The following FBXO34 variants were observed in gnomAD, a reference collection of about 807,000 sequenced individuals.
The protein encoded by FBXO34 is F-box protein 34.
Under a neutral mutation model 24.5 loss-of-function variants are expected in FBXO34, and 12 were observed. The ratio of observed to expected loss-of-function variants is 0.49; its 90% CI spans 0.31 to 0.79. The LOEUF is 0.79. Ranked by LOEUF, FBXO34 falls within the 30% of genes least tolerant of loss-of-function variation. The probability of loss-of-function intolerance (pLI) is 0.04; values close to 1 mark genes in which losing one functional copy is unlikely to be tolerated. For synonymous variants in FBXO34, 320 were observed against 311.9 expected (o/e 1.03, Z -0.27); for missense variants, 823 against 857.7 (o/e 0.96, Z 0.51).
downstream of FBXO34, among the ~76,000 whole-genome samples, chr14:55,364,591 A>T (rs1884638648): frequency 6.7e-6 from 1 of 149,814 alleles, no homozygotes; most frequent in Admixed American, 6.7e-5. Context: ...CACCTGGCTA[A>T]TTTTTTTTTG....
chr14:55,279,779 C>A (rs1218071184), intron 1 of FBXO34, among the ~76,000 whole-genome samples: 1 of 152,186 alleles, frequency 6.6e-6, no homozygotes, highest in African/African-American at 2.4e-5. Flanking sequence ...TCATTCCCTC[C>A]TAACCAGCAT....
downstream of FBXO34, among the ~76,000 whole-genome samples, chr14:55,357,448 C>G (rs536830455): frequency 2.5e-4 from 38 of 152,334 alleles, no homozygotes; most frequent in Admixed American, 8.5e-4. Flanking sequence ...AGAACAAACT[C>G]CTTTTGGGAC....
At chr14:55,286,666 A>T (rs151250277) in intron 1 of FBXO34, among the ~76,000 whole-genome samples, 27 of 152,302 alleles carry the variant, frequency 1.8e-4, no homozygotes, top group African/African-American at 5.8e-4. Context: ...CGAAATTTCC[A>T]CACTAGTTAC....
intron 1 of FBXO34, among the ~76,000 whole-genome samples, chr14:55,300,089 T>A (rs931023965): frequency 6.6e-6 from 1 of 152,158 alleles, no homozygotes; most frequent in African/African-American, 2.4e-5. Flanking sequence ...ACCCCTTCAT[T>A]CTTTAATATC....
the FBXO34 span, chr14:55,390,864 C>T: frequency 7.5e-7 from 1 of 1,335,564 alleles, no homozygotes; most frequent in South Asian, 1.3e-5. Flanking sequence ...CATGAAATTC[C>T]ACATAGGCAC....
intron 1 of FBXO34, among the ~76,000 whole-genome samples, chr14:55,303,102 A>C (rs1045799624): frequency 3.3e-5 from 5 of 151,182 alleles, no homozygotes; most frequent in African/African-American, 9.7e-5. Flanking sequence ...GTGCGTTTTA[A>C]TGTGCATTAA....
chr14:55,350,735 T>C lies in FBXO34; in HGVS notation c.345T>C (p.Asn115=). 6.2e-7 allele frequency: 1 copy of C among 1,609,948 alleles called. No homozygotes were observed. Among genetic ancestry groups the C allele is most frequent in the Non-Finnish European group, 8.5e-7 (1 of 1,178,962 alleles). The change falls in exon 2 of 2, where the codon AAT becomes AAC. Residue 115 remains asparagine, a synonymous_variant. Transcript: ENST00000313833. The part of the protein sequence containing the change: ...LDIWAVVKPG[N]TKEKIAFFAS... The stretch of plus-strand genomic sequence containing the variant: ...TCTGGGCTGTTGTGAAACCTGGAAA[T>C]ACCAAGGAAAAAATTGCATTCTTTG...
At chr14:55,389,988 G>T in the FBXO34 span, among the ~76,000 whole-genome samples, 1 of 152,050 alleles carries the variant, frequency 6.6e-6, no homozygotes, top group Non-Finnish European at 1.5e-5. Context: ...TGTGCTTCTG[G>T]CATGGGCCAA....
the FBXO34 span, chr14:55,413,855 G>T: frequency 2.4e-6 from 1 of 420,938 alleles, no homozygotes; most frequent in East Asian, 5.8e-5. Context: ...ACAGCATGCT[G>T]GGTAACACTG....
At chr14:55,437,251 C>T in the FBXO34 span, among the ~76,000 whole-genome samples, 1 of 152,196 alleles carries the variant, frequency 6.6e-6, no homozygotes, top group Non-Finnish European at 1.5e-5. Flanking sequence ...CTGAGGCAGG[C>T]GGATGGCTGG....
At chr14:55,271,697 G>T (rs867770505) in intron 1 of FBXO34, among the ~76,000 whole-genome samples, 160 bp downstream of exon 1, 1 of 150,430 alleles carries the variant, frequency 6.6e-6, no homozygotes, top group Non-Finnish European at 1.5e-5. Context: ...CGGGTCCGGG[G>T]TAGGGACCCG....
At chr14:55,414,356 A>G in the FBXO34 span, 87 of 1,555,236 alleles carry the variant, frequency 5.6e-5, no homozygotes, top group African/African-American at 9.8e-4. Flanking sequence ...AACCAGAATA[A>G]TGTGAGATGC....
Position 55,350,551 on chromosome 14 carries a change from G to A in FBXO34, c.161G>A (p.Gly54Asp). ...AGTGTCTTTCCTTCAGCCTCTCTCG[G>A]TAAAGCATCATCTCGAAAGCCATTT... ...TSSVFPSASL[G>D]KASSRKPFGI... Residue 54 changes from glycine (G) to aspartate (D), a missense_variant, in exon 2 of 2, where the codon GGT becomes GAT. Transcript: ENST00000313833. The A allele has an allele frequency of 1.2e-6, 2 of 1,613,284 alleles. No individual in the cohort carries two copies. The highest frequency in any genetic ancestry group is 8.5e-7 in the Non-Finnish European group (1 of 1,179,806).
At chr14:55,408,926 A>G in the FBXO34 span, among the ~76,000 whole-genome samples, 2 of 152,194 alleles carry the variant, frequency 1.3e-5, no homozygotes, top group Non-Finnish European at 2.9e-5. Context: ...CGTATGCCAT[A>G]GTAAGGAGCT....
chr14:55,322,309 C>CA (rs3084455), intron 1 of FBXO34, among the ~76,000 whole-genome samples: 1,642 of 121,996 alleles, frequency 0.013, 8 homozygotes, highest in Middle Eastern at 0.021. Flanking sequence ...GACTCTGTCT[C>CA]AAAAAAAAAA....
chr14:55,357,249 C>T (rs956230542), downstream of FBXO34, among the ~76,000 whole-genome samples: 5 of 152,194 alleles, frequency 3.3e-5, no homozygotes, highest in African/African-American at 9.7e-5. Context: ...TTGACCTTAA[C>T]AGTTTTAGGG....
the FBXO34 span, among the ~76,000 whole-genome samples, chr14:55,439,218 C>T: frequency 0.52 from 77,591 of 148,906 alleles, 20,344 homozygotes; most frequent in East Asian, 0.65. Flanking sequence ...GGATTACAGG[C>T]GTGAGCCACC....
At chr14:55,370,340 G>A (rs1884785860), downstream of FBXO34, among the ~76,000 whole-genome samples, 1 of 152,158 alleles carries the variant, frequency 6.6e-6, no homozygotes, top group Admixed American at 6.6e-5. Flanking sequence ...ATTATTTAGT[G>A]TAATAAGTAA....
chr14:55,431,035 T>A, the FBXO34 span, among the ~76,000 whole-genome samples: 35,819 of 152,104 alleles, frequency 0.24, 7,258 homozygotes, highest in African/African-American at 0.56. Context: ...GAAAGTAGTT[T>A]AAAAATCTTA....
Sources: allele counts gnomAD v4.1 joint callset (sites outside exome capture counted in the v4.1 genomes callset), GRCh38; gene constraint gnomAD v4.1.1; transcripts MANE v1.5; gene names NCBI Gene and HGNC (gene_info 2026-07-23, HGNC 2026-07-21).